Variants in TRPC4AP observed in about 807,000 individuals in gnomAD.
The protein encoded by TRPC4AP is short transient receptor potential channel 4-associated protein.
In TRPC4AP, 45 loss-of-function variants were observed where a neutral mutation model predicts 99.0. That is an observed-to-expected ratio of 0.45 (90% CI 0.36 to 0.58). The LOEUF (loss-of-function observed/expected upper bound fraction) is 0.58. Among genes scored for constraint, TRPC4AP ranks in the 20% least tolerant of loss-of-function variants. The probability of loss-of-function intolerance (pLI) is 0.00; values close to 1 mark genes in which losing one functional copy is unlikely to be tolerated. For missense variants in TRPC4AP, 879 were observed against 985.3 expected (o/e 0.89, Z 1.44); for synonymous variants, 408 against 385.8 (o/e 1.06, Z -0.67).
chr20:35,068,430 T>C (rs1336711527), intron 3 of TRPC4AP, among the ~76,000 whole-genome samples: 2 of 152,220 alleles, frequency 1.3e-5, no homozygotes, highest in South Asian at 2.1e-4. Context: ...AGATCTTTAC[T>C]GCAACCTTGT....
intron 11 of TRPC4AP, among the ~76,000 whole-genome samples, 169 bp from the exon 12 acceptor site, chr20:35,010,457 C>T (rs2082609271): frequency 6.6e-6 from 1 of 152,160 alleles, no homozygotes; most frequent in East Asian, 1.9e-4. Flanking sequence ...CAGGAGGGAA[C>T]TCTGGGCTCT....
chr20:35,025,797 T>C (rs1206447856), intron 8 of TRPC4AP, among the ~76,000 whole-genome samples: 1 of 152,240 alleles, frequency 6.6e-6, no homozygotes, highest in Admixed American at 6.5e-5. Context: ...GTCCAATTTA[T>C]TATTTATCTG....
chr20:35,060,501 G>A (rs1430226371), intron 3 of TRPC4AP, among the ~76,000 whole-genome samples: 1 of 149,648 alleles, frequency 6.7e-6, no homozygotes, highest in African/African-American at 2.5e-5. Context: ...CGAGATAGGA[G>A]GCTCGCTTGA....
rs1348122234 is a variant in TRPC4AP at position 35,005,669 on chromosome 20, G to C, written c.1936+26C>G. The C allele has an allele frequency of 3.1e-6, 5 of 1,603,326 alleles. No homozygotes were observed. In the Admixed American group the frequency reaches 6.7e-5, roughly 21 times the overall value. ...CCAGCATTCTTACCCTGCATGACTT[G>C]CCTTGACAGCCTGCCTTTCATGTAC... On this transcript the variant is annotated intron_variant, in intron 16 of 18. Transcript: ENST00000252015.
At chr20:35,086,575 G>GTGTGTA (rs1555919531) in intron 1 of TRPC4AP, among the ~76,000 whole-genome samples, 5 of 89,790 alleles carry the variant, frequency 5.6e-5, no homozygotes, top group African/African-American at 2.0e-4. Context: ...GTGTGTGTGT[G>GTGTGTA]TATATATATA....
chr20:35,004,136 C>T (rs2082461450), intron 17 of TRPC4AP, among the ~76,000 whole-genome samples: 1 of 152,196 alleles, frequency 6.6e-6, no homozygotes, highest in Admixed American at 6.5e-5. Flanking sequence ...GGCTGCATGA[C>T]TATTCAGTGA....
At chr20:35,083,229 CTACT>C (rs1277688722) in intron 1 of TRPC4AP, among the ~76,000 whole-genome samples, 1 of 152,084 alleles carries the variant, frequency 6.6e-6, no homozygotes, top group African/African-American at 2.4e-5. Flanking sequence ...TTTAAAAACA[CTACT>C]TACAATACCA....
chr20:35,046,960 C>G (rs1311649819), intron 6 of TRPC4AP, among the ~76,000 whole-genome samples: 3 of 152,140 alleles, frequency 2.0e-5, no homozygotes, highest in Non-Finnish European at 4.4e-5. Flanking sequence ...CCTCTGCCTC[C>G]TGGGTTCAAG....
intron 12 of TRPC4AP, among the ~76,000 whole-genome samples, chr20:35,009,253 G>A (rs1017917224): frequency 9.2e-5 from 14 of 152,196 alleles, no homozygotes; most frequent in Admixed American, 6.5e-4. Context: ...CAGGCACGCA[G>A]GGGTCTGGGC....
At chr20:35,008,924 A>G (rs565053771) in intron 12 of TRPC4AP, among the ~76,000 whole-genome samples, 177 bp from the exon 13 acceptor site, 16 of 152,274 alleles carry the variant, frequency 1.1e-4, no homozygotes, top group Middle Eastern at 3.4e-3. Context: ...ACAGAATTAA[A>G]CTGCCAAGTG....
chr20:35,081,098 AAGAAG>A (rs1159202004), intron 1 of TRPC4AP, among the ~76,000 whole-genome samples: 3 of 152,202 alleles, frequency 2.0e-5, no homozygotes, highest in African/African-American at 4.8e-5. Context: ...TAAAAGAAGA[AAGAAG>A]AGAAAAGGGA....
At chr20:35,080,543 A>C (rs6120824) in intron 1 of TRPC4AP, among the ~76,000 whole-genome samples, 7 of 146,886 alleles carry the variant, frequency 4.8e-5, no homozygotes, top group Non-Finnish European at 7.4e-5. Flanking sequence ...CTAAAAAAAA[A>C]AAAAAAAAAA....
intron 1 of TRPC4AP, among the ~76,000 whole-genome samples, chr20:35,090,701 A>G (rs1486637045): frequency 6.6e-6 from 1 of 152,068 alleles, no homozygotes; most frequent in Admixed American, 6.6e-5. Flanking sequence ...GGCTCCTCCC[A>G]TTCTAAGTCA....
intron 1 of TRPC4AP, among the ~76,000 whole-genome samples, chr20:35,086,575 G>GTGTATATATATA (rs1555919531): frequency 5.6e-5 from 5 of 89,764 alleles, no homozygotes; most frequent in East Asian, 3.4e-4. Context: ...GTGTGTGTGT[G>GTGTATATATATA]TATATATATA....
In TRPC4AP at chr20:35,033,543, T is replaced by C. The variant is rs1027931903; in HGVS notation, c.1051+1580A>G. Among the ~76,000 whole-genome samples, 17 of 152,208 alleles carry C rather than the reference T, an allele frequency of 1.1e-4. 1 individual carries two copies. The highest frequency in any genetic ancestry group is 9.8e-4 in the Admixed American group (15 of 15,284). ...CTGTTTTTGATAATGCCCTGGAGTA[T>C]ACACTGCTCCAAAGTCTAATTCAAT... is the stretch of plus-strand genomic sequence containing the variant. On this transcript the variant is annotated intron_variant, in intron 8 of 18. Transcript: ENST00000252015.
chr20:35,027,079 C>T (rs2083049620), intron 8 of TRPC4AP, among the ~76,000 whole-genome samples: 2 of 152,132 alleles, frequency 1.3e-5, no homozygotes, highest in Non-Finnish European at 2.9e-5. Flanking sequence ...CAATACGATG[C>T]TGAAGAGAAG....
At chr20:35,041,267 G>A (rs1015322531) in intron 7 of TRPC4AP, among the ~76,000 whole-genome samples, 2 of 152,150 alleles carry the variant, frequency 1.3e-5, no homozygotes, top group African/African-American at 4.8e-5. Context: ...ACATTCAGAG[G>A]ACTAAGACTT....
intron 6 of TRPC4AP, among the ~76,000 whole-genome samples, chr20:35,047,571 T>C (rs1365349722): frequency 6.6e-6 from 1 of 152,256 alleles, no homozygotes; most frequent in Non-Finnish European, 1.5e-5. Flanking sequence ...CAAATGTTCT[T>C]ATGTGTTTCT....
At chr20:35,065,352 G>A (rs2084116808) in intron 3 of TRPC4AP, among the ~76,000 whole-genome samples, 1 of 152,174 alleles carries the variant, frequency 6.6e-6, no homozygotes, top group Non-Finnish European at 1.5e-5. Flanking sequence ...TTATGCAGAT[G>A]AGCTTGCTCT....
Sources: allele counts gnomAD v4.1 joint callset (sites outside exome capture counted in the v4.1 genomes callset), GRCh38; gene constraint gnomAD v4.1.1; transcripts MANE v1.5; gene names NCBI Gene and HGNC (gene_info 2026-07-23, HGNC 2026-07-21).